PCBP3: variants seen among roughly 807,000 people sequenced by gnomAD.
PCBP3 encodes the protein poly(rC)-binding protein 3.
Under a neutral mutation model 52.7 loss-of-function variants are expected in PCBP3, and 25 were observed. The observed-to-expected ratio is 0.47, with a 90% CI of 0.35 to 0.66. The LOEUF is 0.66. Among genes scored for constraint, PCBP3 ranks in the 30% least tolerant of loss-of-function variants. The probability of loss-of-function intolerance (pLI) is 0.01; values close to 1 mark genes in which losing one functional copy is unlikely to be tolerated. For synonymous variants in PCBP3, 162 were observed against 183.0 expected (o/e 0.89, Z 0.93); for missense variants, 391 against 490.3 (o/e 0.80, Z 1.91).
At chr21:45,651,733 G>A (rs2079697360) in intron 1 of PCBP3, among the ~76,000 whole-genome samples, 1 of 152,170 alleles carries the variant, frequency 6.6e-6, no homozygotes, top group African/African-American at 2.4e-5. Context: ...ATCACTGATT[G>A]CTTCTAAATT....
chr21:45,776,675 G>A (rs1305197438), intron 4 of PCBP3, among the ~76,000 whole-genome samples: 2 of 151,968 alleles, frequency 1.3e-5, no homozygotes, highest in African/African-American at 2.4e-5. Context: ...TGATATAACT[G>A]TAGCTTCTGG....
At chr21:45,649,505 G>A (rs193192494) in intron 1 of PCBP3, among the ~76,000 whole-genome samples, 6 of 152,262 alleles carry the variant, frequency 3.9e-5, no homozygotes, top group African/African-American at 1.4e-4. Flanking sequence ...ATAACCAATT[G>A]TACCAGTATT....
intron 5 of PCBP3, chr21:45,869,210 C>G (rs889769375): frequency 2.6e-5 from 4 of 152,202 alleles, no homozygotes; most frequent in African/African-American, 9.7e-5. Flanking sequence ...ATTAACAGGC[C>G]GTCAGCGGAT....
intron 6 of PCBP3, among the ~76,000 whole-genome samples, chr21:45,897,770 C>T (rs532501976): frequency 2.6e-5 from 4 of 152,106 alleles, no homozygotes; most frequent in Non-Finnish European, 1.5e-5. Context: ...TGCTGTGGGT[C>T]CTGGGCTGCT....
chr21:45,809,038 G>C (rs2092600241), intron 4 of PCBP3, among the ~76,000 whole-genome samples: 1 of 152,078 alleles, frequency 6.6e-6, no homozygotes, highest in Admixed American at 6.5e-5. Flanking sequence ...AGGGCCTGTT[G>C]GGGGGTGGGG....
At chr21:45,868,216 G>C (rs2148571423) in intron 5 of PCBP3, among the ~76,000 whole-genome samples, 1 of 152,322 alleles carries the variant, frequency 6.6e-6, no homozygotes. Context: ...GGGTGCCTCG[G>C]AGGAGAGAGC....
intron 2 of PCBP3, among the ~76,000 whole-genome samples, chr21:45,726,486 C>T (rs1292616362): frequency 6.6e-6 from 1 of 152,124 alleles, no homozygotes; most frequent in African/African-American, 2.4e-5. Flanking sequence ...GCTCATGCCC[C>T]AGATCTCTGT....
intron 2 of PCBP3, among the ~76,000 whole-genome samples, chr21:45,676,301 T>A (rs1224426227): frequency 2.6e-5 from 4 of 152,198 alleles, no homozygotes; most frequent in African/African-American, 9.6e-5. Context: ...GGAAAACTTG[T>A]ATCTGTCATG....
At chr21:45,866,654 G>A (rs1439127374) in intron 5 of PCBP3, among the ~76,000 whole-genome samples, 1 of 152,144 alleles carries the variant, frequency 6.6e-6, no homozygotes, top group Non-Finnish European at 1.5e-5. Flanking sequence ...GGAGGCGGGG[G>A]TGGCTGGAGC....
chr21:45,749,043 A>G (rs1364146698), intron 3 of PCBP3, among the ~76,000 whole-genome samples: 1 of 152,212 alleles, frequency 6.6e-6, no homozygotes, highest in Non-Finnish European at 1.5e-5. Flanking sequence ...CATATGACCT[A>G]TGAGAAGATG....
At chr21:45,730,704 CTTTA>C (rs1331466705) in intron 2 of PCBP3, among the ~76,000 whole-genome samples, 1 of 152,012 alleles carries the variant, frequency 6.6e-6, no homozygotes, top group Non-Finnish European at 1.5e-5. Context: ...TTTTTAAGCT[CTTTA>C]TTAGGTGTGT....
intron 5 of PCBP3, among the ~76,000 whole-genome samples, chr21:45,862,895 C>T (rs939960198): frequency 6.6e-6 from 1 of 152,168 alleles, no homozygotes; most frequent in Non-Finnish European, 1.5e-5. Flanking sequence ...TGTAACAGAA[C>T]AGAGGGTGAC....
At chr21:45,808,026 C>T (rs752872653) in intron 4 of PCBP3, among the ~76,000 whole-genome samples, 2 of 152,178 alleles carry the variant, frequency 1.3e-5, no homozygotes, top group African/African-American at 2.4e-5. Flanking sequence ...CCCTTCCTTA[C>T]ACCTTATACA....
chr21:45,917,654 T>TC lies in PCBP3; in HGVS notation c.717+26dup, dbSNP rs772549207. 6.3e-7 allele frequency: 1 copy of TC among 1,587,122 alleles called. No homozygotes were observed. The highest frequency in any genetic ancestry group is 1.7e-5 in the Admixed American group (1 of 59,998). ...TGTGAGTCTTCACTTTGTCTTCCTC[T>TC]CACCTTTCTCTTCTCATGGTTGTTT... On this transcript the variant is annotated intron_variant, in intron 13 of 17. Coordinates refer to ENST00000681687, the MANE Select transcript of PCBP3 (RefSeq NM_001384156.1). This position sits in a 1 kb window ranked among gnomAD's most constrained non-coding sequence, Gnocchi z 5.3.
chr21:45,746,009 C>T (rs1397688474), intron 3 of PCBP3, among the ~76,000 whole-genome samples: 3 of 146,802 alleles, frequency 2.0e-5, no homozygotes, highest in South Asian at 2.1e-4. Flanking sequence ...GTGTCAGCAT[C>T]GCTGTCAGTC....
At chr21:45,845,035 G>A (rs1247434143) in intron 4 of PCBP3, among the ~76,000 whole-genome samples, 1 of 152,056 alleles carries the variant, frequency 6.6e-6, no homozygotes, top group African/African-American at 2.4e-5. Flanking sequence ...GAGATTTAAG[G>A]TATCAGCTTG....
intron 2 of PCBP3, among the ~76,000 whole-genome samples, chr21:45,729,765 C>T (rs764132324): frequency 2.6e-5 from 4 of 151,982 alleles, no homozygotes; most frequent in East Asian, 3.9e-4. Flanking sequence ...AACCAACTTT[C>T]GGTTTTATTA....
rs79139941 is a variant in PCBP3, at chr21:45,767,857, G to C, written c.-126+12405G>C. On this transcript the variant is annotated intron_variant, in intron 4 of 17. Transcript: ENST00000681687. ...CTGACAGGCTCTCAGAGAGGAGGGG[G>C]CCTGTGCTGGTCCTGAGCAGGCAGA... 2.0e-3 allele frequency among the ~76,000 whole-genome samples: 311 copies of C among 152,382 alleles called. 1 individual carries two copies. Among genetic ancestry groups the C allele is most frequent in the African/African-American group, 7.2e-3 (299 of 41,598 alleles).
intron 9 of PCBP3, among the ~76,000 whole-genome samples, chr21:45,902,113 G>A (rs2096071349): frequency 6.6e-6 from 1 of 152,208 alleles, no homozygotes; most frequent in African/African-American, 2.4e-5. Flanking sequence ...TAGAAGTGGG[G>A]CATCCCATGT....
Sources: gnomAD v4.1 joint callset for allele counts (sites outside exome capture counted in the v4.1 genomes callset) on GRCh38, gnomAD v4.1.1 for gene constraint, Gnocchi (gnomAD v3.1) non-coding constraint, MANE v1.5 for transcripts, NCBI Gene and HGNC (gene_info 2026-07-23, HGNC 2026-07-21) for gene names.